Variants in MAP3K4 observed in about 807,000 individuals in gnomAD.
MAP3K4 encodes the protein mitogen-activated protein kinase kinase kinase 4.
A neutral mutation model predicts 185.6 loss-of-function variants in MAP3K4; 67 were observed. The ratio of observed to expected loss-of-function variants is 0.36; its 90% confidence interval spans 0.30 to 0.44. The LOEUF (loss-of-function observed/expected upper bound fraction) is 0.44, where lower values mean the gene tolerates loss of function less well. Ranked by LOEUF, MAP3K4 falls within the 20% of genes least tolerant of loss-of-function variation. The pLI is 1.00. For missense variants in MAP3K4, 1,551 were observed against 1,995.1 expected (o/e 0.78, Z 4.24); for synonymous variants, 702 against 710.4 (o/e 0.99, Z 0.19).
chr6:161,000,514 A>G (rs976802913), intron 1 of MAP3K4, among the ~76,000 whole-genome samples: 4 of 152,226 alleles, frequency 2.6e-5, no homozygotes, highest in African/African-American at 9.6e-5. Context: ...TTAAACTACA[A>G]GAATTGTAAA....
At position 161,116,947 on chromosome 6, in the gene MAP3K4, AAGC is replaced by A; in HGVS notation, c.*80_*82del. ...ATATTTACATAAAGACTGTGCTGAG[AAGC>A]AGTATAAGCCTTTTTAACCTTCCAA... On this transcript the variant is annotated 3_prime_UTR_variant, in exon 27 of 27. Transcript: ENST00000392142. This position sits in a 1 kb window ranked among gnomAD's most constrained non-coding sequence, Gnocchi z 6.2. 1 of 1,360,808 alleles carries A rather than the reference AAGC, an allele frequency of 7.3e-7. No homozygotes were observed. The highest frequency in any genetic ancestry group is 1.7e-5 in the Admixed American group (1 of 59,158). 84.3% of individuals were successfully genotyped at this position (1,360,808 alleles called of 1,614,324 possible). A position where few individuals can be genotyped will look rare whatever the true frequency, so the allele number is the denominator to read the frequency against.
intron 3 of MAP3K4, among the ~76,000 whole-genome samples, chr6:161,066,635 C>G (rs1029553492): frequency 6.6e-6 from 1 of 152,124 alleles, no homozygotes; most frequent in African/African-American, 2.4e-5. Context: ...CCCAGCTGTT[C>G]TGATTCTTCC....
Position 161,049,751 on chromosome 6 carries a change from G to C in MAP3K4, c.1479G>C (p.Lys493Asn). ...AGTCGCGGGACTGCATATCCAAGAAGCTTGAGAGGCTCGAATCTGAGGATG... is the reference window on the plus strand; with the variant it reads ...AGTCGCGGGACTGCATATCCAAGAACCTTGAGAGGCTCGAATCTGAGGATG... The part of the protein sequence containing the change: ...DIQSRDCISK[K>N]LERLESEDDS... Residue 493 changes from lysine (K) to asparagine (N), a missense_variant, in exon 3 of 27, where the codon AAG becomes AAC. Lys to Asn is a moderately conservative substitution (Grantham distance 94). This residue lies in a region of MAP3K4 where 126 missense variants were observed against 112.8 expected (regional missense o/e 1.12). Coordinates refer to ENST00000392142, the MANE Select transcript of MAP3K4 (RefSeq NM_005922.4). The surrounding 1 kb of genome is among the most constrained non-coding windows in gnomAD (Gnocchi z 8.4). The C allele has an allele frequency of 6.2e-7, 1 of 1,614,148 alleles. No homozygotes were observed.
intron 2 of MAP3K4, among the ~76,000 whole-genome samples, chr6:161,042,321 T>G (rs1475855739): frequency 6.6e-6 from 1 of 152,140 alleles, no homozygotes; most frequent in East Asian, 1.9e-4. Flanking sequence ...ATTTATATGA[T>G]AGTTTAAAAA....
At chr6:161,046,570 C>A (rs1422504173) in intron 2 of MAP3K4, among the ~76,000 whole-genome samples, 2 of 151,444 alleles carry the variant, frequency 1.3e-5, no homozygotes, top group Non-Finnish European at 2.9e-5. Context: ...AGCAAAAAAT[C>A]TCTATGGACA....
In MAP3K4 at chr6:161,106,640, A is replaced by G. The variant is rs141444159; in HGVS notation, c.3983A>G (p.Tyr1328Cys). 22 of 1,613,868 alleles carry G rather than the reference A, an allele frequency of 1.4e-5. No individual in the cohort carries two copies. Among genetic ancestry groups the G allele is most frequent in the African/African-American group, 1.2e-4 (9 of 74,916 alleles). ...IGQVCDTPKSYDNVMHVGLRK... is the reference protein window; with the variant it reads ...IGQVCDTPKSCDNVMHVGLRK... ...CAAGTTTGTGATACGCCTAAGTCCT[A>G]TGATAATGTTATGCACGTTGGCTTG... The change falls in exon 20 of 27, where the codon TAT becomes TGT. Residue 1328 changes from tyrosine (Y) to cysteine (C), a missense_variant. Coordinates refer to ENST00000392142, the MANE Select transcript of MAP3K4 (RefSeq NM_005922.4). The surrounding 1 kb of genome is among the most constrained non-coding windows in gnomAD (Gnocchi z 4.9).
At position 161,086,046 on chromosome 6, in the gene MAP3K4, T is replaced by C. The variant is rs1393227484; in HGVS notation, c.2373-333T>C. Among the ~76,000 whole-genome samples, 1 of 152,228 alleles carries C rather than the reference T, an allele frequency of 6.6e-6. No individual in the cohort carries two copies. Among genetic ancestry groups the C allele is most frequent in the Non-Finnish European group, 1.5e-5 (1 of 68,032 alleles). ...AGATCACACTGTATAGATTTCTTTT[T>C]AGATTACGAGCCAGGAGTTAAGAAC... On this transcript the variant is annotated intron_variant, in intron 7 of 26. Coordinates refer to ENST00000392142, the MANE Select transcript of MAP3K4 (RefSeq NM_005922.4). This position sits in a 1 kb window ranked among gnomAD's most constrained non-coding sequence, Gnocchi z 4.8.
chr6:161,017,470 C>T lies in MAP3K4; in HGVS notation c.153-16789C>T, dbSNP rs996592792. On this transcript the variant is annotated intron_variant, in intron 1 of 26. Transcript: ENST00000392142. This position sits in a 1 kb window ranked among gnomAD's most constrained non-coding sequence, Gnocchi z 5.1. ...CTGTAGTTGAGAAGTATGTCACTTT[C>T]TATTTATTTGGATATTTTAAATAGT... Among the ~76,000 whole-genome samples, 2 of 152,186 alleles carry T rather than the reference C, an allele frequency of 1.3e-5. No individual in the cohort carries two copies. The highest frequency in any genetic ancestry group is 4.1e-4 in the South Asian group (2 of 4,822).
chr6:161,072,138 A>G (rs1413667943), intron 4 of MAP3K4, among the ~76,000 whole-genome samples: 3 of 152,242 alleles, frequency 2.0e-5, no homozygotes, highest in Admixed American at 6.5e-5. Context: ...ATTGATAATT[A>G]TATAATCTGA....
intron 1 of MAP3K4, among the ~76,000 whole-genome samples, chr6:161,024,022 AGTGGT>A (rs1782524884): frequency 6.6e-6 from 1 of 152,142 alleles, no homozygotes; most frequent in South Asian, 2.1e-4. Flanking sequence ...ACTGGAGTAC[AGTGGT>A]GTGATCATGG....
Position 161,083,905 on chromosome 6 carries a change from G to A in MAP3K4, c.2256-596G>A, listed in dbSNP as rs185702134. Among the ~76,000 whole-genome samples, 12 of 152,232 alleles carry A rather than the reference G, an allele frequency of 7.9e-5. No homozygotes were observed. In the East Asian group the frequency reaches 2.3e-3, roughly 29 times the overall value. On this transcript the variant is annotated intron_variant, in intron 6 of 26. Coordinates refer to ENST00000392142, the MANE Select transcript of MAP3K4 (RefSeq NM_005922.4). The stretch of plus-strand genomic sequence containing the variant: ...TCCTGCTGCATCTGATATTAGTTCT[G>A]TGCTTACCTGCTCTCTGTTACTAGA...
chr6:161,002,053 T>G (rs957948861), intron 1 of MAP3K4, among the ~76,000 whole-genome samples: 13 of 149,750 alleles, frequency 8.7e-5, no homozygotes, highest in South Asian at 4.2e-4. Flanking sequence ...GAAAAAGGTT[T>G]TTTTTTTTTT....
In MAP3K4 at chr6:161,075,699, G is replaced by T. The variant is rs746114700; in HGVS notation, c.2097+2087G>T. Among the ~76,000 whole-genome samples, 5 of 152,174 alleles carry T rather than the reference G, an allele frequency of 3.3e-5. No homozygotes were observed. The highest frequency in any genetic ancestry group is 1.3e-4 in the Admixed American group (2 of 15,280). ...GTCAGCCAGTTTCTGTGCCATTGGT[G>T]AGCCTGTGTGATAGTGGAAGTCTAG... On this transcript the variant is annotated intron_variant, in intron 5 of 26. Transcript: ENST00000392142. This position sits in a 1 kb window ranked among gnomAD's most constrained non-coding sequence, Gnocchi z 4.3.
chr6:161,034,559 C>T lies in MAP3K4; in HGVS notation c.343+110C>T, dbSNP rs1036572753. On this transcript the variant is annotated intron_variant, in intron 2 of 26. Transcript: ENST00000392142. This position sits in a 1 kb window ranked among gnomAD's most constrained non-coding sequence, Gnocchi z 4.4. ...TTATTTTTAATTTGATTTTAATGCT[C>T]CTGTAAAGTTCAATTTTTTTTTGAA... 2.3e-6 allele frequency: 2 copies of T among 864,368 alleles called. No individual in the cohort carries two copies. The highest frequency in any genetic ancestry group is 2.9e-5 in the East Asian group (1 of 34,188). 53.5% of individuals were successfully genotyped at this position (864,368 alleles called of 1,614,324 possible).
chr6:161,111,775 A>G (rs1157940749), intron 23 of MAP3K4, 61 bp from the exon 24 acceptor site: 2 of 1,560,904 alleles, frequency 1.3e-6, no homozygotes, highest in East Asian at 2.3e-5. Flanking sequence ...TTAGATTACC[A>G]TGTAACCTTG....
chr6:161,115,409 T>A lies in MAP3K4; in HGVS notation c.4806+107T>A. The A allele has an allele frequency of 1.8e-6, 2 of 1,087,726 alleles. No individual in the cohort carries two copies. The highest frequency in any genetic ancestry group is 2.6e-6 in the Non-Finnish European group (2 of 769,124). The allele number at this position is 1,087,726 out of a possible 1,614,324, so 67.4% of individuals were successfully genotyped here. The stretch of plus-strand genomic sequence containing the variant: ...AACTTTAAAGTAGCTATATCTGAAG[T>A]GGAAAGGAACTAAATGTATTATTAT... On this transcript the variant is annotated intron_variant, in intron 26 of 26. Transcript: ENST00000392142. This position sits in a 1 kb window ranked among gnomAD's most constrained non-coding sequence, Gnocchi z 6.0.
rs367947922 is a variant in MAP3K4, at chr6:160,991,902, C to T, written c.-30C>T. 5.3e-4 allele frequency: 797 copies of T among 1,492,760 alleles called. 4 individuals carry two copies. In the African/African-American group the frequency reaches 0.011, roughly 20 times the overall value. 92.5% of individuals were successfully genotyped at this position (1,492,760 alleles called of 1,614,324 possible). ...CCGCGCCAGGCTGCAGCTTACTGCCCGCCGCGGCCATGCGGGGCTCCGTGC... is the reference window on the plus strand; with the variant it reads ...CCGCGCCAGGCTGCAGCTTACTGCCTGCCGCGGCCATGCGGGGCTCCGTGC... On this transcript the variant is annotated 5_prime_UTR_variant, in exon 1 of 27. Coordinates refer to ENST00000392142, the MANE Select transcript of MAP3K4 (RefSeq NM_005922.4). This position sits in a 1 kb window ranked among gnomAD's most constrained non-coding sequence, Gnocchi z 5.7.
Position 161,076,150 on chromosome 6 carries a change from A to G in MAP3K4, c.2097+2538A>G, listed in dbSNP as rs78500388. ...GTAAACTAAAATGAAGGTAAACCCA[A>G]GCTCTAAATACGTGTCCGCCTTAGG... On this transcript the variant is annotated intron_variant, in intron 5 of 26. Transcript: ENST00000392142. This position sits in a 1 kb window ranked among gnomAD's most constrained non-coding sequence, Gnocchi z 4.2. Among the ~76,000 whole-genome samples, 3,293 of 152,346 alleles carry G rather than the reference A, an allele frequency of 0.022. 42 individuals carry two copies. The highest frequency in any genetic ancestry group is 0.042 in the South Asian group (203 of 4,828).
rs1216930088 is a variant in MAP3K4 at position 160,996,320 on chromosome 6, G to A, written c.152+4237G>A. On this transcript the variant is annotated intron_variant, in intron 1 of 26. Coordinates refer to ENST00000392142, the MANE Select transcript of MAP3K4 (RefSeq NM_005922.4). This position sits in a 1 kb window ranked among gnomAD's most constrained non-coding sequence, Gnocchi z 4.5. ...CAACTGGGGACTTGTCACTTAGGAG[G>A]ACTTTGTAGTTCCCTTTAATTTTCT... 6.6e-6 allele frequency among the ~76,000 whole-genome samples: 1 copy of A among 152,196 alleles called. No homozygotes were observed. The highest frequency in any genetic ancestry group is 1.5e-5 in the Non-Finnish European group (1 of 68,042).
Sources: gnomAD v4.1 joint callset for allele counts (sites outside exome capture counted in the v4.1 genomes callset) on GRCh38, gnomAD v4.1.1 for gene constraint, gnomAD v4.1.1 regional missense constraint, Gnocchi (gnomAD v3.1) non-coding constraint, MANE v1.5 for transcripts, NCBI Gene and HGNC (gene_info 2026-07-23, HGNC 2026-07-21) for gene names.